The following PGM2 variants were observed in gnomAD, a reference collection of about 807,000 sequenced individuals.
PGM2 encodes the protein phosphopentomutase.
PGM2 carries 57 observed loss-of-function variants against 74.6 expected under a neutral mutation model. The observed-to-expected ratio is 0.76, with a 90% CI of 0.62 to 0.95. PGM2 has a LOEUF of 0.95. PGM2 is among the 40% of genes least tolerant of loss of function. PGM2 has a pLI of 0.00. For synonymous variants in PGM2, 273 were observed against 260.7 expected, an observed-to-expected ratio of 1.05 and a Z score of -0.46; for missense variants, 706 against 741.9, an observed-to-expected ratio of 0.95 and a Z score of 0.56.
chr4:37,854,134 T>C (rs1473317428), intron 12 of PGM2, among the ~76,000 whole-genome samples: 1 of 152,144 alleles, frequency 6.6e-6, no homozygotes, highest in Non-Finnish European at 1.5e-5. Context: ...CTCCATCTGT[T>C]TTCTGACTTG....
At chr4:37,833,319 GC>G (rs1351443999) in intron 2 of PGM2, among the ~76,000 whole-genome samples, 2 of 152,192 alleles carry the variant, frequency 1.3e-5, no homozygotes. Flanking sequence ...ACTTTAGGAG[GC>G]CAAGGCAGGA....
chr4:37,836,084 G>A (rs1433323077), intron 3 of PGM2, among the ~76,000 whole-genome samples: 1 of 152,216 alleles, frequency 6.6e-6, no homozygotes, highest in East Asian at 1.9e-4. Context: ...CTGCTGAGCT[G>A]CGTAAATTTC....
chr4:37,856,179 A>G (rs1379812428), intron 13 of PGM2, among the ~76,000 whole-genome samples: 1 of 151,896 alleles, frequency 6.6e-6, no homozygotes, highest in Non-Finnish European at 1.5e-5. Context: ...AGGTCAGGAG[A>G]TTGAGACCAT....
rs113952819 is a variant in PGM2 at position 37,837,602 on chromosome 4, A to G, written c.430A>G (p.Thr144Ala). 43 of 1,605,230 alleles carry G rather than the reference A, an allele frequency of 2.7e-5. No homozygotes were observed. The highest frequency in any genetic ancestry group is 3.3e-5 in the Non-Finnish European group (39 of 1,172,236). ...GTACCTCTTTTCTGATATAACGCCA[A>G]CCCCCTTTGTGGTAAGTAGCCATTT... ...PVYLFSDITPTPFVPFTVSHL... is the reference protein window; with the variant it reads ...PVYLFSDITPAPFVPFTVSHL... Residue 144 changes from threonine to alanine, a missense_variant, in exon 4 of 14, where the codon ACC (threonine) becomes GCC (alanine). Physicochemically the swap from Thr to Ala is moderately conservative, Grantham distance 58. Transcript: ENST00000381967.
Position 37,848,641 on chromosome 4 carries a change from A to G in PGM2, c.1402A>G (p.Ile468Val). Residue 468 changes from isoleucine to valine, a missense_variant, in exon 11 of 14, where the codon ATT becomes GTT. Coordinates refer to ENST00000381967, the MANE Select transcript of PGM2 (RefSeq NM_018290.4). The stretch of plus-strand genomic sequence containing the variant: ...GTCTTTGTCTCAGCAACTAAAGGCC[A>G]TTTATGTGGAGTAAGTTGTTATTGA... ...NLSLSQQLKA[I>V]YVEYGYHITK... The G allele has an allele frequency of 1.2e-6, 2 of 1,613,086 alleles. No homozygotes were observed. The highest frequency in any genetic ancestry group is 1.7e-5 in the Admixed American group (1 of 59,982).
chr4:37,830,544 G>A (rs1725413190), intron 2 of PGM2, among the ~76,000 whole-genome samples: 1 of 152,206 alleles, frequency 6.6e-6, no homozygotes, highest in African/African-American at 2.4e-5. Flanking sequence ...GTTACCAAGA[G>A]CCTGTTCTCC....
intron 4 of PGM2, 39 bp from the exon 5 acceptor site, chr4:37,839,809 G>C (rs769885800): frequency 4.2e-6 from 5 of 1,190,820 alleles, no homozygotes; most frequent in Non-Finnish European, 5.0e-6. Context: ...GGTTATTTTC[G>C]TTAAAAACTG....
chr4:37,833,723 C>A (rs1038582430), intron 2 of PGM2, among the ~76,000 whole-genome samples: 3 of 152,078 alleles, frequency 2.0e-5, no homozygotes, highest in Non-Finnish European at 4.4e-5. Context: ...ACAGCAAACA[C>A]TTAATATAGT....
At chr4:37,839,511 T>C (rs184528421) in intron 4 of PGM2, 115 of 481,292 alleles carry the variant, frequency 2.4e-4, no homozygotes, top group African/African-American at 1.3e-3. Flanking sequence ...CAAACTTCTG[T>C]CTCAGGTAGA....
chr4:37,847,048 G>T lies in PGM2; in HGVS notation c.1125G>T (p.Leu375Phe). The T allele has an allele frequency of 6.2e-7, 1 of 1,613,732 alleles. No individual in the cohort carries two copies. The highest frequency in any genetic ancestry group is 8.5e-7 in the Non-Finnish European group (1 of 1,179,684). Residue 375 changes from leucine (L) to phenylalanine (F), a missense_variant, in exon 9 of 14, where the codon TTG becomes TTT. This residue lies in a region of PGM2 where 359 missense variants were observed against 371.1 expected (regional missense o/e 0.97). Coordinates refer to ENST00000381967, the MANE Select transcript of PGM2 (RefSeq NM_018290.4). ...DRSALKDTYMLSSTVSSKILR... is the reference protein window; with the variant it reads ...DRSALKDTYMFSSTVSSKILR... The stretch of plus-strand genomic sequence containing the variant: ...GTGCTCTCAAAGACACGTACATGTT[G>T]TCCAGCACCGTCTCCTCCAAAATCT...
intron 2 of PGM2, among the ~76,000 whole-genome samples, chr4:37,830,371 C>T (rs1357779280): frequency 6.6e-6 from 1 of 152,150 alleles, no homozygotes; most frequent in Non-Finnish European, 1.5e-5. Context: ...GAGTACATAC[C>T]ATGTGCCAGC....
At position 37,841,100 on chromosome 4, in the gene PGM2, A is replaced by ATGTG. The variant is rs1553885995; in HGVS notation, c.719+853_719+856dup. ...TATATATATATATATATATATATAT[A>ATGTG]TGTGTGTGTGTGTGTTTGTATATGT... On this transcript the variant is annotated intron_variant, in intron 6 of 13. Transcript: ENST00000381967. Among the ~76,000 whole-genome samples, 55 of 115,748 alleles carry ATGTG rather than the reference A, an allele frequency of 4.8e-4. 1 individual carries two copies. In the South Asian group the frequency reaches 0.012, roughly 26 times the overall value. 75.9% of individuals were successfully genotyped at this position (115,748 alleles called of 152,430 possible). A position where few individuals can be genotyped will look rare whatever the true frequency, so the allele number is the denominator to read the frequency against.
At chr4:37,855,017 T>C (rs560880810) in intron 12 of PGM2, among the ~76,000 whole-genome samples, 1 of 152,276 alleles carries the variant, frequency 6.6e-6, no homozygotes, top group Non-Finnish European at 1.5e-5. Flanking sequence ...ACCTCACATA[T>C]TGATCATGTA....
intron 6 of PGM2, among the ~76,000 whole-genome samples, chr4:37,841,158 T>TTGTGTGTGTGTGTG (rs34512739): frequency 0.043 from 4,351 of 101,312 alleles, 218 homozygotes; most frequent in East Asian, 0.15. Context: ...ATAGGAATAT[T>TTGTGTGTGTGTGTG]TGTGTGTGTG....
intron 2 of PGM2, among the ~76,000 whole-genome samples, chr4:37,831,203 A>AAAG (rs1449843319): frequency 2.0e-5 from 3 of 151,292 alleles, no homozygotes; most frequent in African/African-American, 7.3e-5. Context: ...AAAAAAAAAA[A>AAAG]AAAAAAAAAA....
chr4:37,846,543 A>G (rs1156845786), intron 8 of PGM2, among the ~76,000 whole-genome samples: 1 of 152,206 alleles, frequency 6.6e-6, no homozygotes, highest in Admixed American at 6.5e-5. Context: ...AATCAGCAAT[A>G]CTGACCAGTC....
intron 10 of PGM2, 44 bp downstream of exon 10, chr4:37,847,339 A>G (rs1215527467): frequency 1.4e-6 from 2 of 1,394,298 alleles, no homozygotes; most frequent in East Asian, 4.6e-5. Context: ...TGCAAGGCAA[A>G]AGGAAAAGGT....
chr4:37,850,105 C>T (rs1300471971), intron 11 of PGM2, 79 bp from the exon 12 acceptor site: 17 of 791,052 alleles, frequency 2.1e-5, no homozygotes, highest in South Asian at 7.0e-5. Context: ...TTTTAGAATA[C>T]ACTGGTTGGT....
intron 3 of PGM2, among the ~76,000 whole-genome samples, chr4:37,836,862 G>GGTGTGT (rs57338198): frequency 0.51 from 76,359 of 150,312 alleles, 19,657 homozygotes; most frequent in Non-Finnish European, 0.58. Context: ...TATGTGTATG[G>GGTGTGT]GTGTGTGTGT....
Sources: allele counts gnomAD v4.1 joint callset (sites outside exome capture counted in the v4.1 genomes callset), GRCh38; gene constraint gnomAD v4.1.1; regional missense constraint gnomAD v4.1.1; transcripts MANE v1.5; gene names NCBI Gene and HGNC (gene_info 2026-07-23, HGNC 2026-07-21).